DOK6: variants seen among roughly 807,000 people sequenced by gnomAD.
The protein encoded by DOK6 is docking protein 6.
A neutral mutation model predicts 44.0 loss-of-function variants in DOK6; 22 were observed. That is an observed-to-expected ratio of 0.50 (90% CI 0.36 to 0.71). The LOEUF is 0.71. Among genes scored for constraint, DOK6 ranks in the 30% least tolerant of loss-of-function variants. The probability of loss-of-function intolerance (pLI) is 0.00; values close to 1 mark genes in which losing one functional copy is unlikely to be tolerated. For missense variants in DOK6, 340 were observed against 416.4 expected (o/e 0.82, Z 1.60); for synonymous variants, 166 against 145.5 (o/e 1.14, Z -1.01).
At chr18:69,408,536 G>A (rs1056847431) in intron 1 of DOK6, among the ~76,000 whole-genome samples, 2 of 151,800 alleles carry the variant, frequency 1.3e-5, no homozygotes, top group Non-Finnish European at 1.5e-5. Flanking sequence ...CTTTAGTTTA[G>A]CATTACCTTT....
At chr18:69,831,879 A>G (rs1981911782) in intron 7 of DOK6, among the ~76,000 whole-genome samples, 1 of 152,222 alleles carries the variant, frequency 6.6e-6, no homozygotes, top group Non-Finnish European at 1.5e-5. Flanking sequence ...TATATGGTAT[A>G]TTGATTTTGT....
At chr18:69,402,051 G>A (rs1916112142) in intron 1 of DOK6, among the ~76,000 whole-genome samples, 1 of 152,180 alleles carries the variant, frequency 6.6e-6, no homozygotes, top group Non-Finnish European at 1.5e-5. Context: ...GCGGTAGGAG[G>A]GACTCACGGG....
chr18:69,841,202 T>C (rs1982206851), intron 7 of DOK6, 42 bp from the exon 8 acceptor site: 1 of 1,612,166 alleles, frequency 6.2e-7, no homozygotes, highest in Non-Finnish European at 8.5e-7. Context: ...TTTGTGCTTC[T>C]GAATCTGTTT....
chr18:69,738,863 C>T (rs1978702308), intron 5 of DOK6, 102 bp from the exon 6 acceptor site: 1 of 1,438,122 alleles, frequency 7.0e-7, no homozygotes, highest in South Asian at 1.3e-5. Context: ...CTGTGGAGGT[C>T]AGGAGGAGGA....
At chr18:69,564,721 T>A in intron 2 of DOK6, 127 bp downstream of exon 2, 1 of 705,600 alleles carries the variant, frequency 1.4e-6, no homozygotes, top group Non-Finnish European at 2.3e-6. Context: ...CCTTTTCTGA[T>A]AAAATGCAGA....
intron 7 of DOK6, among the ~76,000 whole-genome samples, chr18:69,840,469 C>T (rs17081712): frequency 6.6e-6 from 1 of 152,176 alleles, no homozygotes; most frequent in East Asian, 1.9e-4. Context: ...AGCATGCATG[C>T]GTTTCTCTGT....
chr18:69,579,815 C>G (rs112198887), intron 2 of DOK6, among the ~76,000 whole-genome samples: 3,995 of 152,182 alleles, frequency 0.026, 176 homozygotes, highest in African/African-American at 0.089. Context: ...ATCTCCTAAC[C>G]TCATGGAGAG....
intron 2 of DOK6, among the ~76,000 whole-genome samples, chr18:69,582,276 G>A (rs1392431240): frequency 2.0e-5 from 3 of 152,142 alleles, no homozygotes; most frequent in Admixed American, 2.0e-4. Flanking sequence ...TAGTTTGCTT[G>A]GGTTTTCTAT....
At chr18:69,550,225 G>T (rs1221365378) in intron 1 of DOK6, among the ~76,000 whole-genome samples, 1 of 151,822 alleles carries the variant, frequency 6.6e-6, no homozygotes, top group Non-Finnish European at 1.5e-5. Flanking sequence ...TCATTTTTAG[G>T]TATATCTAAA....
At chr18:69,536,979 C>CATTATCATT (rs1555711152) in intron 1 of DOK6, among the ~76,000 whole-genome samples, 19 of 144,860 alleles carry the variant, frequency 1.3e-4, no homozygotes, top group African/African-American at 4.5e-4. Flanking sequence ...GAAGATTTAT[C>CATTATCATT]ATTATTATTA....
intron 3 of DOK6, among the ~76,000 whole-genome samples, chr18:69,671,170 A>T (rs1985789959): frequency 6.6e-6 from 1 of 152,178 alleles, no homozygotes; most frequent in South Asian, 2.1e-4. Flanking sequence ...AGCACATTTG[A>T]TTGTTCTATC....
intron 1 of DOK6, among the ~76,000 whole-genome samples, chr18:69,507,383 T>A (rs367799079): frequency 3.0e-4 from 45 of 152,272 alleles, no homozygotes; most frequent in African/African-American, 9.6e-4. Flanking sequence ...TTCTCAATAT[T>A]GTTCTTTTTA....
intron 1 of DOK6, among the ~76,000 whole-genome samples, chr18:69,410,251 G>A (rs1389839786): frequency 7.9e-5 from 12 of 152,224 alleles, no homozygotes; most frequent in Admixed American, 7.9e-4. Context: ...AACCACGACT[G>A]CATATAGGAG....
chr18:69,803,782 C>T (rs1215247796), intron 7 of DOK6, among the ~76,000 whole-genome samples: 1 of 152,020 alleles, frequency 6.6e-6, no homozygotes, highest in Non-Finnish European at 1.5e-5. Flanking sequence ...TCACTTGAAC[C>T]CGGGAGGCAG....
chr18:69,428,800 GC>G (rs1275021373), intron 1 of DOK6, among the ~76,000 whole-genome samples: 8 of 152,172 alleles, frequency 5.3e-5, no homozygotes. Flanking sequence ...AAAAGGACTT[GC>G]TCAAACAAAC....
chr18:69,565,507 GTGTGTGTGTGTGTGTATATATA>G (rs201918507), intron 2 of DOK6, among the ~76,000 whole-genome samples: 8,900 of 32,850 alleles, frequency 0.27, 426 homozygotes, highest in East Asian at 0.45. Flanking sequence ...GTGTGTGTGT[GTGTGTGTGTGTGTGTATATATA>G]TATACATAAT....
At chr18:69,482,964 G>A (rs1364570030) in intron 1 of DOK6, among the ~76,000 whole-genome samples, 1 of 151,540 alleles carries the variant, frequency 6.6e-6, no homozygotes, top group Non-Finnish European at 1.5e-5. Context: ...GGGGGTTTGC[G>A]GTACACAGAT....
intron 1 of DOK6, among the ~76,000 whole-genome samples, chr18:69,517,550 A>G (rs1981563408): frequency 6.6e-6 from 1 of 152,094 alleles, no homozygotes; most frequent in South Asian, 2.1e-4. Flanking sequence ...GTATGTATGT[A>G]TGCATTGACT....
chr18:69,411,165 T>G (rs1226154964), intron 1 of DOK6, among the ~76,000 whole-genome samples: 2 of 152,174 alleles, frequency 1.3e-5, no homozygotes, highest in East Asian at 1.9e-4. Context: ...AAGAAGTGTT[T>G]GTTAAAAAGT....
Sources: allele counts gnomAD v4.1 joint callset (sites outside exome capture counted in the v4.1 genomes callset), GRCh38; gene constraint gnomAD v4.1.1; transcripts MANE v1.5; gene names NCBI Gene and HGNC (gene_info 2026-07-23, HGNC 2026-07-21).